SERINC5: variants seen among roughly 807,000 people sequenced by gnomAD.
SERINC5 encodes the protein serine incorporator 5, also known as chromosome 5 open reading frame 12.
A neutral mutation model predicts 63.1 loss-of-function variants in SERINC5; 41 were observed. The ratio of observed to expected loss-of-function variants is 0.65; its 90% confidence interval spans 0.51 to 0.84. The LOEUF (loss-of-function observed/expected upper bound fraction) is 0.84. Ranked by LOEUF, SERINC5 falls within the 40% of genes least tolerant of loss-of-function variation. The probability of loss-of-function intolerance (pLI) is 0.00; values close to 1 mark genes in which losing one functional copy is unlikely to be tolerated. For missense variants in SERINC5, 523 were observed against 573.0 expected (o/e 0.91, Z 0.89); for synonymous variants, 222 against 215.2 (o/e 1.03, Z -0.28).
chr5:80,138,186 G>A (rs537164929), downstream of SERINC5, among the ~76,000 whole-genome samples: 217 of 152,070 alleles, frequency 1.4e-3, 1 homozygote, highest in South Asian at 3.3e-3. Flanking sequence ...GGGACTGGGC[G>A]AGGGGGGAGT....
intron 1 of SERINC5, among the ~76,000 whole-genome samples, chr5:80,221,901 C>T (rs1270842891): frequency 2.0e-5 from 3 of 151,916 alleles, no homozygotes; most frequent in Non-Finnish European, 4.4e-5. Context: ...AATCCCAGCA[C>T]TTAGGGAGGC....
chr5:80,121,620 T>C (rs1161520301), intron 11 of SERINC5, among the ~76,000 whole-genome samples: 1 of 152,048 alleles, frequency 6.6e-6, no homozygotes, highest in African/African-American at 2.4e-5. Context: ...GTTAATCCAT[T>C]TTGCATTGCT....
At chr5:80,249,053 G>A (rs575503953) in intron 1 of SERINC5, among the ~76,000 whole-genome samples, 73 of 151,920 alleles carry the variant, frequency 4.8e-4, no homozygotes, top group Admixed American at 9.2e-4. Context: ...GGTGGCTCAC[G>A]CCTGTAATCC....
At chr5:80,202,233 T>G (rs1454960489) in intron 2 of SERINC5, among the ~76,000 whole-genome samples, 1 of 151,780 alleles carries the variant, frequency 6.6e-6, no homozygotes, top group Admixed American at 6.6e-5. Context: ...AGCAAAACTC[T>G]GTCTCGAAAA....
intron 1 of SERINC5, among the ~76,000 whole-genome samples, chr5:80,222,482 G>A (rs1236334155): frequency 2.6e-5 from 4 of 151,662 alleles, no homozygotes; most frequent in East Asian, 1.9e-4. Context: ...ACTGGACCAC[G>A]TGGGAACCAA....
intron 1 of SERINC5, among the ~76,000 whole-genome samples, chr5:80,255,442 C>G (rs1752614241): frequency 6.6e-6 from 1 of 152,138 alleles, no homozygotes; most frequent in South Asian, 2.1e-4. Context: ...CCAAGCGCAA[C>G]CTGCCTGGGT....
At chr5:80,222,691 G>C (rs985072173) in intron 1 of SERINC5, among the ~76,000 whole-genome samples, 2 of 152,172 alleles carry the variant, frequency 1.3e-5, no homozygotes, top group Non-Finnish European at 2.9e-5. Context: ...TCCTGCCTCA[G>C]CCTCCCAAGT....
intron 11 of SERINC5, among the ~76,000 whole-genome samples, chr5:80,119,522 C>T (rs1744459394): frequency 6.6e-6 from 1 of 152,242 alleles, no homozygotes; most frequent in African/African-American, 2.4e-5. Flanking sequence ...GAACTAACTG[C>T]ACTCACTGCA....
intron 1 of SERINC5, among the ~76,000 whole-genome samples, chr5:80,222,417 T>A (rs1750947752): frequency 6.6e-6 from 1 of 152,128 alleles, no homozygotes; most frequent in Non-Finnish European, 1.5e-5. Flanking sequence ...ACAAGGAGAC[T>A]CGAGAAATGT....
At chr5:80,178,954 C>T (rs1748237665) in intron 2 of SERINC5, among the ~76,000 whole-genome samples, 1 of 151,968 alleles carries the variant, frequency 6.6e-6, no homozygotes, top group South Asian at 2.1e-4. Flanking sequence ...ATTAAAACAG[C>T]TTTTTAAAAT....
chr5:80,203,277 T>A, intron 1 of SERINC5: 1 of 178,240 alleles, frequency 5.6e-6, no homozygotes, highest in South Asian at 1.3e-4. Context: ...TATATGTGTA[T>A]ATATATTTAT....
downstream of SERINC5, among the ~76,000 whole-genome samples, chr5:80,136,832 A>G (rs985960700): frequency 6.6e-6 from 1 of 152,248 alleles, no homozygotes; most frequent in Admixed American, 6.5e-5. Context: ...GCCAACAGAT[A>G]CATGAAAAAG....
intron 7 of SERINC5, among the ~76,000 whole-genome samples, chr5:80,163,402 T>C (rs756738630): frequency 1.3e-5 from 2 of 152,150 alleles, no homozygotes; most frequent in Non-Finnish European, 2.9e-5. Flanking sequence ...CAGGCACCCT[T>C]ATCTTGGTTC....
At chr5:80,111,705 AAG>A (rs1402185072) in intron 12 of SERINC5, 2 of 152,220 alleles carry the variant, frequency 1.3e-5, no homozygotes, top group African/African-American at 2.4e-5. Flanking sequence ...TTTCTCAGCT[AAG>A]AGAGAGTCAA....
In SERINC5 at chr5:80,115,004, G is replaced by A. The variant is rs551823013; in HGVS notation, c.1239-1379C>T. 8.5e-4 allele frequency among the ~76,000 whole-genome samples: 129 copies of A among 151,970 alleles called. 1 individual carries two copies. Among genetic ancestry groups the A allele is most frequent in the African/African-American group, 3.0e-3 (126 of 41,344 alleles). On this transcript the variant is annotated intron_variant, in intron 11 of 12. Coordinates refer to the SERINC5 transcript ENST00000509193. The stretch of plus-strand genomic sequence containing the variant: ...CAGAGACAATGACTGATTTTCTGCC[G>A]CCCAATCCAGTTGCCCAACCCTCCT...
rs950179453 is a variant in SERINC5, at chr5:80,242,416, G to A, written c.27+13480C>T. Among the ~76,000 whole-genome samples, 5 of 152,094 alleles carry A rather than the reference G, an allele frequency of 3.3e-5. No homozygotes were observed. In the East Asian group the frequency reaches 5.8e-4, roughly 18 times the overall value. On this transcript the variant is annotated intron_variant, in intron 1 of 11. Transcript: ENST00000507668. ...GTGGATCATTTGAGGTCAGGAGTTC[G>A]AGACCAGCCTGGTCAACATGGCGAA... is the stretch of plus-strand genomic sequence containing the variant.
At chr5:80,245,908 C>A (rs1752146806) in intron 1 of SERINC5, among the ~76,000 whole-genome samples, 1 of 149,576 alleles carries the variant, frequency 6.7e-6, no homozygotes, top group Non-Finnish European at 1.5e-5. Context: ...AGCCACCACA[C>A]CTGGCCCCAG....
At chr5:80,113,585 TG>T (rs771141738) in exon 12 of SERINC5, 35 of 272,636 alleles carry the variant, frequency 1.3e-4, no homozygotes, top group Non-Finnish European at 2.0e-4. Context: ...TCCACATGGC[TG>T]GGGAGGCCTC....
chr5:80,231,236 G>A (rs1580199003), intron 1 of SERINC5, among the ~76,000 whole-genome samples: 1 of 152,174 alleles, frequency 6.6e-6, no homozygotes, highest in South Asian at 2.1e-4. Flanking sequence ...TTAAGTTATT[G>A]CTTAGTAAAT....
Sources: gnomAD v4.1 joint callset for allele counts (sites outside exome capture counted in the v4.1 genomes callset) on GRCh38, gnomAD v4.1.1 for gene constraint, MANE v1.5 for transcripts, NCBI Gene and HGNC (gene_info 2026-07-23, HGNC 2026-07-21) for gene names.